Variants in SMIM19 observed in about 807,000 individuals in gnomAD.
SMIM19 encodes UPF0697 protein C8orf40.
In SMIM19, 6 loss-of-function variants were observed where a neutral mutation model predicts 13.2. That is an observed-to-expected ratio of 0.45 (90% CI 0.25 to 0.90). The LOEUF (loss-of-function observed/expected upper bound fraction) is 0.90, where lower values mean the gene tolerates loss of function less well. SMIM19 is among the 40% of genes least tolerant of loss of function. The pLI, the probability that SMIM19 is intolerant of heterozygous loss-of-function variation, is 0.19. For synonymous variants in SMIM19, 46 were observed against 43.1 expected (o/e 1.07, Z -0.27); for missense variants, 138 against 131.0 (o/e 1.05, Z -0.26).
chr8:42,552,972 C>A lies in SMIM19; in HGVS notation c.*364C>A. 1 of 175,612 alleles carries A rather than the reference C, an allele frequency of 5.7e-6. No individual in the cohort carries two copies. The highest frequency in any genetic ancestry group is 1.2e-5 in the Non-Finnish European group (1 of 83,190). The allele number at this position is 175,612 out of a possible 1,614,324, so 10.9% of individuals were successfully genotyped here. A position where few individuals can be genotyped will look rare whatever the true frequency, so the allele number is the denominator to read the frequency against. Reference sequence around the variant, plus strand: ...AAAATAAAAATGCAAGTTATTATTTCAATAATAACTTCCTGTTTCATTGTA... The same window carrying A: ...AAAATAAAAATGCAAGTTATTATTTAAATAATAACTTCCTGTTTCATTGTA... On this transcript the variant is annotated 3_prime_UTR_variant, in exon 4 of 4. Coordinates refer to ENST00000417410, the MANE Select transcript of SMIM19 (RefSeq NM_001135674.2).
At chr8:42,541,350 C>G (rs1335238427), upstream of SMIM19, 1 of 148,180 alleles carries the variant, frequency 6.7e-6, no homozygotes, top group African/African-American at 2.4e-5. Context: ...GGCCCCCACC[C>G]GCGGGAGCCC....
chr8:42,546,052 G>C (rs1479118039), intron 1 of SMIM19, among the ~76,000 whole-genome samples: 1 of 152,082 alleles, frequency 6.6e-6, no homozygotes, highest in African/African-American at 2.4e-5. Context: ...GACCCCCTCA[G>C]ATATCAAAAT....
At chr8:42,542,804 C>T (rs1028431026) in intron 1 of SMIM19, among the ~76,000 whole-genome samples, 2 of 144,622 alleles carry the variant, frequency 1.4e-5, no homozygotes, top group African/African-American at 2.8e-5. Context: ...CACCCCACCC[C>T]CGTCTTTAAA....
Position 42,548,139 on chromosome 8 carries a change from GC to G in SMIM19, c.135-515del, listed in dbSNP as rs1349480825. Among the ~76,000 whole-genome samples, 19 of 152,308 alleles carry G rather than the reference GC, an allele frequency of 1.2e-4. No individual in the cohort carries two copies. In the East Asian group the frequency reaches 3.7e-3, roughly 29 times the overall value. On this transcript the variant is annotated intron_variant, in intron 2 of 3. Transcript: ENST00000417410. ...AGGTGACCGCTTTCCTCTAAAAACA[GC>G]CACCGCCGCCTCCCCATGTTTCTTT...
At chr8:42,547,310 T>TCGTG (rs1427321957) in intron 2 of SMIM19, among the ~76,000 whole-genome samples, 3 of 151,536 alleles carry the variant, frequency 2.0e-5, no homozygotes, top group Non-Finnish European at 4.4e-5. Context: ...TGAGACAAGA[T>TCGTG]CGTGCCATTG....
At chr8:42,552,015 A>G (rs1205352593) in intron 3 of SMIM19, among the ~76,000 whole-genome samples, 1 of 152,246 alleles carries the variant, frequency 6.6e-6, no homozygotes, top group Non-Finnish European at 1.5e-5. Flanking sequence ...ATCCTGATAC[A>G]TGAATAATAA....
At chr8:42,542,996 A>ACT (rs1813320291) in intron 1 of SMIM19, among the ~76,000 whole-genome samples, 1 of 151,592 alleles carries the variant, frequency 6.6e-6, no homozygotes, top group Non-Finnish European at 1.5e-5. Flanking sequence ...AAAAAAAAAA[A>ACT]AAGTAGTTCT....
rs372945450 is a variant in SMIM19, at chr8:42,544,820, A to G, written c.-4-1649A>G. The stretch of plus-strand genomic sequence containing the variant: ...TCTCCTGAAATTTCATTTTTCTCAT[A>G]TAGAGGCAAGCTAAAAGAAAGAACT... On this transcript the variant is annotated intron_variant, in intron 1 of 3. Transcript: ENST00000417410. Among the ~76,000 whole-genome samples the G allele has an allele frequency of 6.7e-4, 102 of 152,334 alleles. 3 individuals are homozygous for G. In the South Asian group the frequency reaches 0.021, roughly 31 times the overall value.
chr8:42,545,087 T>A (rs1006100568), intron 1 of SMIM19, among the ~76,000 whole-genome samples: 1 of 152,260 alleles, frequency 6.6e-6, no homozygotes, highest in African/African-American at 2.4e-5. Context: ...TCCATTTTTC[T>A]CCTGTATATA....
rs1813715644 is a variant in SMIM19, at chr8:42,552,790, T to A, written c.*182T>A. 1.6e-6 allele frequency: 1 copy of A among 635,028 alleles called. No homozygotes were observed. The allele number at this position is 635,028 out of a possible 1,614,324, so 39.3% of individuals were successfully genotyped here. ...CATCTCCAAGTGGCTCAAAAGGCCT[T>A]GACACAGGGAACCTGCACATATCCA... On this transcript the variant is annotated 3_prime_UTR_variant, in exon 4 of 4. Coordinates refer to ENST00000417410, the MANE Select transcript of SMIM19 (RefSeq NM_001135674.2).
chr8:42,541,861 C>T lies in SMIM19; in HGVS notation c.-517C>T, dbSNP rs2923444. The T allele has an allele frequency of 0.68, 103,858 of 151,716 alleles. 36,407 individuals are homozygous for T. The highest frequency in any genetic ancestry group is 0.84 in the African/African-American group (34,971 of 41,474). The allele number at this position is 151,716 out of a possible 1,614,324, so 9.4% of individuals were successfully genotyped here. On this transcript the variant is annotated 5_prime_UTR_variant, in exon 1 of 4. Coordinates refer to ENST00000417410, the MANE Select transcript of SMIM19 (RefSeq NM_001135674.2). ...TGCGGTCCCCGAAACTCCGAGCACCCGCCCGGTCCCGGCGCGGAGCCCCTC... is the reference window on the plus strand; with the variant it reads ...TGCGGTCCCCGAAACTCCGAGCACCTGCCCGGTCCCGGCGCGGAGCCCCTC...
intron 2 of SMIM19, chr8:42,548,413 G>A (rs1464282711): frequency 1.8e-6 from 1 of 542,756 alleles, no homozygotes; most frequent in Non-Finnish European, 3.5e-6. Context: ...AATCACAATG[G>A]AGGAACTTCA....
chr8:42,545,589 T>A (rs2974344), intron 1 of SMIM19, among the ~76,000 whole-genome samples: 1 of 151,886 alleles, frequency 6.6e-6, no homozygotes, highest in Non-Finnish European at 1.5e-5. Flanking sequence ...GCATTGCAAC[T>A]GCCTGACCTC....
intron 3 of SMIM19, among the ~76,000 whole-genome samples, chr8:42,549,573 G>T (rs1813598519): frequency 6.6e-6 from 1 of 152,174 alleles, no homozygotes; most frequent in Non-Finnish European, 1.5e-5. Flanking sequence ...GTTGCCTGGG[G>T]CTATGGAAGA....
chr8:42,552,599 A>T lies in SMIM19; in HGVS notation c.315A>T (p.Ser105=). Reference sequence around the variant, plus strand: ...ACCAAGCTGACAGTGTGCAACTCTCATTGGAATGAAACCTCAGAAAAAGAG... The same window carrying T: ...ACCAAGCTGACAGTGTGCAACTCTCTTTGGAATGAAACCTCAGAAAAAGAG... The part of the protein sequence containing the change: ...PQNQADSVQL[S]LE The change falls in exon 4 of 4, where the codon TCA becomes TCT. Residue 105 remains serine, a synonymous_variant. Coordinates refer to ENST00000417410, the MANE Select transcript of SMIM19 (RefSeq NM_001135674.2). 6.2e-7 allele frequency: 1 copy of T among 1,614,002 alleles called. No individual in the cohort carries two copies.
Position 42,553,641 on chromosome 8 carries a change from C to T in SMIM19, c.*1033C>T, listed in dbSNP as rs1158601011. 1.3e-5 allele frequency: 2 copies of T among 152,146 alleles called. No individual in the cohort carries two copies. Among genetic ancestry groups the T allele is most frequent in the African/African-American group, 4.8e-5 (2 of 41,414 alleles). 9.4% of individuals were successfully genotyped at this position (152,146 alleles called of 1,614,324 possible). On this transcript the variant is annotated 3_prime_UTR_variant, in exon 4 of 4. Transcript: ENST00000417410. The stretch of plus-strand genomic sequence containing the variant: ...GGTAATAGTGGGGAAGTTTAATTGT[C>T]CACATAAGTCAAAAGAATCCGTTTT...
chr8:42,550,512 A>G (rs1023436209), intron 3 of SMIM19, among the ~76,000 whole-genome samples: 1 of 151,852 alleles, frequency 6.6e-6, no homozygotes, highest in Non-Finnish European at 1.5e-5. Flanking sequence ...GGCCATCCAC[A>G]CTCCTTGGGT....
Position 42,546,552 on chromosome 8 carries a change from A to G in SMIM19, c.80A>G (p.Asn27Ser). The part of the protein sequence containing the change: ...TVHEAWNEAT[N>S]VYLIVILVSF... ...CACGAAGCCTGGAATGAAGCCACCA[A>G]TGTTTACTTGATAGTTATCCTTGTT... The change falls in exon 2 of 4, where the codon AAT becomes AGT. Residue 27 changes from asparagine to serine, a missense_variant. Physicochemically the swap from Asn to Ser is conservative, Grantham distance 46 (BLOSUM62 1). Coordinates refer to ENST00000417410, the MANE Select transcript of SMIM19 (RefSeq NM_001135674.2). 6.2e-7 allele frequency: 1 copy of G among 1,614,236 alleles called. No homozygotes were observed. The highest frequency in any genetic ancestry group is 8.5e-7 in the Non-Finnish European group (1 of 1,180,038).
chr8:42,541,179 G>A (rs1296542915), upstream of SMIM19: 2 of 152,178 alleles, frequency 1.3e-5, no homozygotes, highest in East Asian at 1.9e-4. Flanking sequence ...CAGCGGAGCA[G>A]GAGGCGCCCG....
Sources: allele counts gnomAD v4.1 joint callset (sites outside exome capture counted in the v4.1 genomes callset), GRCh38; gene constraint gnomAD v4.1.1; transcripts MANE v1.5; gene names NCBI Gene and HGNC (gene_info 2026-07-23, HGNC 2026-07-21).